GAN: variants seen among roughly 807,000 people sequenced by gnomAD.
The protein encoded by GAN is epididymis secretory sperm binding protein.
A neutral mutation model predicts 71.3 loss-of-function variants in GAN; 48 were observed. That is an observed-to-expected ratio of 0.67 (90% CI 0.53 to 0.86). The LOEUF (loss-of-function observed/expected upper bound fraction) is 0.86, where lower values mean the gene tolerates loss of function less well. GAN is among the 40% of genes least tolerant of loss of function. The probability of loss-of-function intolerance (pLI) is 0.00; values close to 1 mark genes in which losing one functional copy is unlikely to be tolerated. For missense variants in GAN, 928 were observed against 770.1 expected (o/e 1.21, Z -2.43); for synonymous variants, 386 against 276.8 (o/e 1.39, Z -3.92).
intron 9 of GAN, among the ~76,000 whole-genome samples, chr16:81,367,056 T>G (rs6564874): frequency 0.7 from 105,758 of 151,850 alleles, 37,240 homozygotes; most frequent in East Asian, 0.87. Context: ...AACTCCTGAC[T>G]TAATGATCCG....
At chr16:81,339,765 T>G (rs1909880844) in intron 1 of GAN, among the ~76,000 whole-genome samples, 1 of 152,138 alleles carries the variant, frequency 6.6e-6, no homozygotes, top group African/African-American at 2.4e-5. Flanking sequence ...GTAGAACAGC[T>G]GGCATTACAA....
intron 1 of GAN, among the ~76,000 whole-genome samples, chr16:81,345,299 C>T (rs2150680276): frequency 6.6e-6 from 1 of 152,266 alleles, no homozygotes; most frequent in Non-Finnish European, 1.5e-5. Flanking sequence ...GACACATGCA[C>T]ACATATGTTT....
chr16:81,315,409 G>A, intron 1 of GAN, 129 bp downstream of exon 1: 1 of 578,408 alleles, frequency 1.7e-6, no homozygotes, highest in Non-Finnish European at 2.5e-6. Context: ...GTCACCGTTG[G>A]CGCGGCGTCC....
intron 1 of GAN, among the ~76,000 whole-genome samples, chr16:81,319,984 A>T (rs1426528773): frequency 6.6e-6 from 1 of 152,080 alleles, no homozygotes. Context: ...GTTTTGTTTT[A>T]TGTTAATATT....
chr16:81,377,894 A>G lies in GAN; in HGVS notation c.*298A>G. 6.9e-6 allele frequency: 3 copies of G among 433,742 alleles called. No individual in the cohort carries two copies. Among genetic ancestry groups the G allele is most frequent in the Non-Finnish European group, 1.3e-5 (3 of 235,876 alleles). 26.9% of individuals were successfully genotyped at this position (433,742 alleles called of 1,614,324 possible). A position where few individuals can be genotyped will look rare whatever the true frequency, so the allele number is the denominator to read the frequency against. Reference sequence around the variant, plus strand: ...AAGGGAGTGGGAATTGCTATCATGTAAAATATCAAAGTTAAAATACTAAGG... The same window carrying G: ...AAGGGAGTGGGAATTGCTATCATGTGAAATATCAAAGTTAAAATACTAAGG... On this transcript the variant is annotated 3_prime_UTR_variant, in exon 11 of 11. Transcript: ENST00000648994.
At chr16:81,334,685 GA>G (rs1480109350) in intron 1 of GAN, among the ~76,000 whole-genome samples, 9 of 152,196 alleles carry the variant, frequency 5.9e-5, no homozygotes, top group African/African-American at 2.2e-4. Flanking sequence ...CCGATATGGA[GA>G]GAAAGTATCC....
chr16:81,335,765 A>AAT (rs1909738868), intron 1 of GAN, among the ~76,000 whole-genome samples: 1 of 151,820 alleles, frequency 6.6e-6, no homozygotes, highest in Admixed American at 6.6e-5. Context: ...AAAAAAAAAA[A>AAT]ATCCATTCAA....
rs1567504132 is a variant in GAN at position 81,385,163 on chromosome 16, A to G, written c.*7567A>G. The G allele has an allele frequency of 6.6e-6, 1 of 152,188 alleles. No individual in the cohort carries two copies. Among genetic ancestry groups the G allele is most frequent in the Non-Finnish European group, 1.5e-5 (1 of 68,032 alleles). The allele number at this position is 152,188 out of a possible 1,614,324, so 9.4% of individuals were successfully genotyped here. On this transcript the variant is annotated 3_prime_UTR_variant, in exon 11 of 11. Transcript: ENST00000648994. ...TTTTCAGAGTAAAGGGCTTGCTTTCAATAGTAGAATGACAAAGCTTCTCCT... is the reference window on the plus strand; with the variant it reads ...TTTTCAGAGTAAAGGGCTTGCTTTCGATAGTAGAATGACAAAGCTTCTCCT...
At chr16:81,340,495 G>A (rs922101733) in intron 1 of GAN, among the ~76,000 whole-genome samples, 1 of 152,074 alleles carries the variant, frequency 6.6e-6, no homozygotes, top group African/African-American at 2.4e-5. Context: ...AGGCAAACAG[G>A]GTCTGGAATG....
In GAN at chr16:81,382,893, A is replaced by T. The variant is rs933704557; in HGVS notation, c.*5297A>T. ...TCATTGTAATAGTTCCATTTATGTGACATCTGAGGAATTAAATCATACTTC... is the reference window on the plus strand; with the variant it reads ...TCATTGTAATAGTTCCATTTATGTGTCATCTGAGGAATTAAATCATACTTC... On this transcript the variant is annotated 3_prime_UTR_variant, in exon 11 of 11. Transcript: ENST00000648994. 1.1e-4 allele frequency: 16 copies of T among 152,198 alleles called. No homozygotes were observed. The highest frequency in any genetic ancestry group is 2.2e-4 in the Non-Finnish European group (15 of 68,048). 9.4% of individuals were successfully genotyped at this position (152,198 alleles called of 1,614,324 possible). A position where few individuals can be genotyped will look rare whatever the true frequency, so the allele number is the denominator to read the frequency against.
intron 1 of GAN, among the ~76,000 whole-genome samples, chr16:81,321,485 G>T (rs931263857): frequency 6.6e-6 from 1 of 152,140 alleles, no homozygotes; most frequent in Non-Finnish European, 1.5e-5. Context: ...GAAGTAAAAT[G>T]CTCTTCCACA....
Position 81,382,705 on chromosome 16 carries a change from A to G in GAN, c.*5109A>G, listed in dbSNP as rs1448716590. The G allele has an allele frequency of 2.6e-5, 4 of 152,174 alleles. No individual in the cohort carries two copies. The highest frequency in any genetic ancestry group is 9.6e-5 in the African/African-American group (4 of 41,452). The allele number at this position is 152,174 out of a possible 1,614,324, so 9.4% of individuals were successfully genotyped here. A position where few individuals can be genotyped will look rare whatever the true frequency, so the allele number is the denominator to read the frequency against. On this transcript the variant is annotated 3_prime_UTR_variant, in exon 11 of 11. Coordinates refer to ENST00000648994, the MANE Select transcript of GAN (RefSeq NM_022041.4). ...CCCATATTTGATAACACAGACTTGG[A>G]TTGAGTGTCTGTCATGCCTGCTGGC... is the stretch of plus-strand genomic sequence containing the variant.
chr16:81,332,075 C>G (rs886732809), intron 1 of GAN, among the ~76,000 whole-genome samples: 2 of 151,348 alleles, frequency 1.3e-5, no homozygotes, highest in Admixed American at 6.6e-5. Flanking sequence ...GCAGGAGAAT[C>G]GCTTGAACCT....
At chr16:81,318,642 C>T (rs1226084687) in intron 1 of GAN, among the ~76,000 whole-genome samples, 3 of 152,174 alleles carry the variant, frequency 2.0e-5, no homozygotes, top group Non-Finnish European at 4.4e-5. Flanking sequence ...ATAGAAAAGT[C>T]TTTTGACTTA....
intron 5 of GAN, among the ~76,000 whole-genome samples, chr16:81,358,414 C>G (rs777245161): frequency 3.1e-4 from 47 of 152,044 alleles, no homozygotes; most frequent in Middle Eastern, 3.2e-3. Flanking sequence ...CAAGACCAGC[C>G]TGGACAATGT....
chr16:81,366,239 G>A lies in GAN; in HGVS notation c.1502+761G>A, dbSNP rs117653867. ...CAACTTCAGGGCAAGGTCCACCTTC[G>A]TCAGCTCTGTATCCTGGCTTCCAGC... On this transcript the variant is annotated intron_variant, in intron 9 of 10. Coordinates refer to ENST00000648994, the MANE Select transcript of GAN (RefSeq NM_022041.4). Among the ~76,000 whole-genome samples, 87 of 152,236 alleles carry A rather than the reference G, an allele frequency of 5.7e-4. 1 individual carries two copies. The East Asian group carries it at 0.013, about 23-fold the overall frequency.
intron 2 of GAN, among the ~76,000 whole-genome samples, chr16:81,352,463 A>T (rs1910331172): frequency 6.6e-6 from 1 of 152,144 alleles, no homozygotes; most frequent in African/African-American, 2.4e-5. Flanking sequence ...TAACAGAAGG[A>T]AGAGGTCAGT....
chr16:81,335,581 T>C (rs1012487068), intron 1 of GAN, among the ~76,000 whole-genome samples: 2 of 151,956 alleles, frequency 1.3e-5, no homozygotes, highest in African/African-American at 4.8e-5. Context: ...ACCCCATCTC[T>C]ACTAAAAATA....
intron 9 of GAN, among the ~76,000 whole-genome samples, chr16:81,367,072 C>G (rs1462880622): frequency 2.6e-5 from 4 of 152,158 alleles, no homozygotes; most frequent in Admixed American, 2.0e-4. Flanking sequence ...ATCCGCCCGC[C>G]TCAGCCTCTC....
Sources: gnomAD v4.1 joint callset for allele counts (sites outside exome capture counted in the v4.1 genomes callset) on GRCh38, gnomAD v4.1.1 for gene constraint, MANE v1.5 for transcripts, NCBI Gene and HGNC (gene_info 2026-07-23, HGNC 2026-07-21) for gene names.